The following NCAM1 variants were observed in gnomAD, a reference collection of about 807,000 sequenced individuals.
NCAM1 encodes neural cell adhesion molecule 1.
In NCAM1, 14 loss-of-function variants were observed where a neutral mutation model predicts 109.8. That is an observed-to-expected ratio of 0.13 (90% confidence interval 0.08 to 0.20). The LOEUF (loss-of-function observed/expected upper bound fraction) is 0.20. NCAM1 is among the 10% of genes least tolerant of loss of function. NCAM1 has a pLI of 1.00. For synonymous variants in NCAM1, 418 were observed against 442.9 expected (o/e 0.94, Z 0.70); for missense variants, 774 against 1,109.9 (o/e 0.70, Z 4.30).
At chr11:113,256,140 T>C in intron 16 of NCAM1, 139 bp downstream of exon 16, 1 of 1,128,170 alleles carries the variant, frequency 8.9e-7, no homozygotes, top group Non-Finnish European at 1.2e-6. Context: ...CCATGGGCCC[T>C]GGCCATGGCT....
intron 1 of NCAM1, among the ~76,000 whole-genome samples, chr11:113,143,222 AT>A (rs1941894748): frequency 6.6e-6 from 1 of 152,194 alleles, no homozygotes; most frequent in Non-Finnish European, 1.5e-5. Context: ...GGTTTCATAC[AT>A]TGCATTTGGC....
At chr11:113,147,209 C>T (rs1275681351) in intron 1 of NCAM1, among the ~76,000 whole-genome samples, 1 of 152,194 alleles carries the variant, frequency 6.6e-6, no homozygotes, top group African/African-American at 2.4e-5. Context: ...AATTCTTTTT[C>T]CTTTCCTTAC....
chr11:112,991,855 GT>G (rs1408336052), intron 1 of NCAM1, among the ~76,000 whole-genome samples: 1 of 152,122 alleles, frequency 6.6e-6, no homozygotes, highest in Non-Finnish European at 1.5e-5. Context: ...GTTTCCATTT[GT>G]TTTAATGATG....
rs1389270096 is a variant in NCAM1 at position 113,233,477 on chromosome 11, A to G, written c.1693+160A>G. ...CTGTAGAGTTGTTGCCCCTATTGCCACCCCAACCCATGCTCTGTGCTTCAG... is the reference window on the plus strand; with the variant it reads ...CTGTAGAGTTGTTGCCCCTATTGCCGCCCCAACCCATGCTCTGTGCTTCAG... On this transcript the variant is annotated intron_variant, in intron 13 of 19. Transcript: ENST00000316851. The surrounding 1 kb of genome is among the most constrained non-coding windows in gnomAD (Gnocchi z 4.5). Among the ~76,000 whole-genome samples, 1 of 106,706 alleles carries G rather than the reference A, an allele frequency of 9.4e-6. No homozygotes were observed. Among genetic ancestry groups the G allele is most frequent in the East Asian group, 1.9e-4 (1 of 5,172 alleles). 70.0% of individuals were successfully genotyped at this position (106,706 alleles called of 152,430 possible).
Position 113,274,539 on chromosome 11 carries a change from T to C in NCAM1, c.2457-728T>C, listed in dbSNP as rs1946364682. The stretch of plus-strand genomic sequence containing the variant: ...TGGCTGCTCCCCAGATAAGCTGCCA[T>C]GCTGCCACCATGGGCTGCAAGGGGC... On this transcript the variant is annotated intron_variant, in intron 19 of 19. Coordinates refer to ENST00000316851, the MANE Select transcript of NCAM1 (RefSeq NM_181351.5). This position sits in a 1 kb window ranked among gnomAD's most constrained non-coding sequence, Gnocchi z 4.1. Among the ~76,000 whole-genome samples the C allele has an allele frequency of 6.6e-6, 1 of 152,190 alleles. No individual in the cohort carries two copies. Among genetic ancestry groups the C allele is most frequent in the African/African-American group, 2.4e-5 (1 of 41,458 alleles).
intron 1 of NCAM1, among the ~76,000 whole-genome samples, chr11:113,170,648 T>C (rs1159458943): frequency 1.3e-5 from 2 of 152,164 alleles, no homozygotes; most frequent in East Asian, 3.9e-4. Context: ...CTTTGTTTTT[T>C]CTTTTCATCT....
At chr11:113,064,106 G>A (rs1937819642) in intron 1 of NCAM1, among the ~76,000 whole-genome samples, 1 of 152,158 alleles carries the variant, frequency 6.6e-6, no homozygotes, top group African/African-American at 2.4e-5. Flanking sequence ...TATTTTCTAT[G>A]GGAAGTCTGA....
intron 1 of NCAM1, among the ~76,000 whole-genome samples, chr11:113,115,824 C>T (rs1477305534): frequency 6.6e-6 from 1 of 152,192 alleles, no homozygotes; most frequent in African/African-American, 2.4e-5. Flanking sequence ...TTCTGCCCAG[C>T]TAAATGGTGG....
At chr11:113,050,066 G>T (rs1355664002) in intron 1 of NCAM1, among the ~76,000 whole-genome samples, 1 of 149,770 alleles carries the variant, frequency 6.7e-6, no homozygotes, top group African/African-American at 2.5e-5. Context: ...AGTCAATTCT[G>T]TGGGGCTTTT....
chr11:113,064,531 T>A (rs1438485146), intron 1 of NCAM1, among the ~76,000 whole-genome samples: 1 of 152,228 alleles, frequency 6.6e-6, no homozygotes, highest in Non-Finnish European at 1.5e-5. Flanking sequence ...TTATTATTTA[T>A]TAAATGTTTA....
intron 17 of NCAM1, among the ~76,000 whole-genome samples, chr11:113,269,110 T>G (rs925508952): frequency 2.6e-5 from 4 of 152,258 alleles, no homozygotes; most frequent in Middle Eastern, 3.4e-3. Context: ...TCCTGCATCA[T>G]GACCACTGTC....
intron 1 of NCAM1, among the ~76,000 whole-genome samples, chr11:112,976,912 A>G (rs916351773): frequency 6.6e-6 from 1 of 151,892 alleles, no homozygotes; most frequent in African/African-American, 2.4e-5. Flanking sequence ...AAAAAATTAT[A>G]TTCAGAGCAA....
intron 1 of NCAM1, among the ~76,000 whole-genome samples, chr11:113,005,056 A>C (rs1951859811): frequency 6.6e-6 from 1 of 151,894 alleles, no homozygotes. Context: ...GTCCTCCCCC[A>C]AGCTCTTGTT....
At chr11:113,266,921 C>A (rs955234999) in intron 17 of NCAM1, among the ~76,000 whole-genome samples, 1 of 152,150 alleles carries the variant, frequency 6.6e-6, no homozygotes, top group Non-Finnish European at 1.5e-5. Context: ...ACACTCTCCA[C>A]CCATGCTCCT....
chr11:113,208,921 T>A (rs1944316908), intron 7 of NCAM1, among the ~76,000 whole-genome samples: 1 of 152,248 alleles, frequency 6.6e-6, no homozygotes, highest in African/African-American at 2.4e-5. Flanking sequence ...CCTCCTTCCC[T>A]GACCTGTGCA....
intron 1 of NCAM1, among the ~76,000 whole-genome samples, chr11:113,061,043 C>T (rs1937620051): frequency 6.6e-6 from 1 of 152,076 alleles, no homozygotes; most frequent in South Asian, 2.1e-4. Flanking sequence ...TAACTTGGAC[C>T]CTTTAATCAA....
chr11:113,249,838 C>T (rs1159593175), intron 15 of NCAM1, among the ~76,000 whole-genome samples: 4 of 152,104 alleles, frequency 2.6e-5, no homozygotes, highest in African/African-American at 9.7e-5. Context: ...TAATTTGTAC[C>T]TTGTGCTGCC....
intron 17 of NCAM1, among the ~76,000 whole-genome samples, chr11:113,267,608 G>A (rs1555124576): frequency 6.6e-6 from 1 of 152,182 alleles, no homozygotes; most frequent in African/African-American, 2.4e-5. Flanking sequence ...CACGCCATGA[G>A]GCCCAACAGA....
chr11:113,154,916 C>G (rs1456754041), intron 1 of NCAM1, among the ~76,000 whole-genome samples: 3 of 152,068 alleles, frequency 2.0e-5, no homozygotes, highest in Non-Finnish European at 2.9e-5. Context: ...GTTATAGACA[C>G]TTAGGGCTGG....
Sources: gnomAD v4.1 joint callset for allele counts (sites outside exome capture counted in the v4.1 genomes callset) on GRCh38, gnomAD v4.1.1 for gene constraint, Gnocchi (gnomAD v3.1) non-coding constraint, MANE v1.5 for transcripts, NCBI Gene and HGNC (gene_info 2026-07-23, HGNC 2026-07-21) for gene names.